SLC35E2B: variants seen among roughly 807,000 people sequenced by gnomAD.
SLC35E2B encodes solute carrier family 35, member E2B.
In SLC35E2B, 18 loss-of-function variants were observed where a neutral mutation model predicts 32.4. That is an observed-to-expected ratio of 0.56 (90% CI 0.38 to 0.82). The LOEUF (loss-of-function observed/expected upper bound fraction) is 0.82, where lower values mean the gene tolerates loss of function less well. SLC35E2B is among the 40% of genes least tolerant of loss of function. The pLI is 0.00. For missense variants in SLC35E2B, 263 were observed against 469.5 expected (o/e 0.56, Z 4.06); for synonymous variants, 132 against 209.1 (o/e 0.63, Z 3.18).
intron 5 of SLC35E2B, chr1:1,673,529 G>A (rs1202510385): frequency 1.3e-5 from 3 of 225,566 alleles, no homozygotes; most frequent in Non-Finnish European, 1.8e-5. Context: ...TTAGCTGGGT[G>A]TGGGGCCACA....
chr1:1,673,733 C>T (rs1361328978), intron 5 of SLC35E2B, among the ~76,000 whole-genome samples: 4 of 151,614 alleles, frequency 2.6e-5, no homozygotes, highest in East Asian at 3.9e-4. Context: ...GAGGCTGAGG[C>T]GTGCGGATCA....
At chr1:1,680,825 T>A (rs1014174509) in intron 2 of SLC35E2B, among the ~76,000 whole-genome samples, 1 of 150,446 alleles carries the variant, frequency 6.6e-6, no homozygotes, top group East Asian at 1.9e-4. Context: ...TTTTTTTAGA[T>A]GGAATCTCGA....
chr1:1,667,915 A>C (rs1643586869), intron 9 of SLC35E2B, among the ~76,000 whole-genome samples: 1 of 149,674 alleles, frequency 6.7e-6, no homozygotes, highest in Admixed American at 6.6e-5. Flanking sequence ...TGCAGTGGTG[A>C]GATCTCAACT....
chr1:1,670,079 A>G lies in SLC35E2B; in HGVS notation c.761+19T>C. 2 of 1,546,202 alleles carry G rather than the reference A, an allele frequency of 1.3e-6. No individual in the cohort carries two copies. Among genetic ancestry groups the G allele is most frequent in the South Asian group, 2.4e-5 (2 of 83,920 alleles). Reference sequence around the variant, plus strand: ...CTTCGTCTTATGACTTGGAGATTTCACTGACGAATAATACTTACGAGAACC... The same window carrying G: ...CTTCGTCTTATGACTTGGAGATTTCGCTGACGAATAATACTTACGAGAACC... On this transcript the variant is annotated intron_variant, in intron 7 of 9. Transcript: ENST00000617444.
At chr1:1,680,480 C>T (rs920822867) in intron 2 of SLC35E2B, among the ~76,000 whole-genome samples, 4 of 152,150 alleles carry the variant, frequency 2.6e-5, no homozygotes, top group Non-Finnish European at 1.5e-5. Context: ...CTACTAGGAG[C>T]ATCCTCGTCT....
chr1:1,665,923 C>G lies in SLC35E2B; in HGVS notation c.1077G>C (p.Leu359=). The stretch of plus-strand genomic sequence containing the variant: ...TGTAGAGCAGGACCCCAACGGTCAC[C>G]AGGGCTGTGCCAACGGCCGACAAGC... ...ITSLSAVGTA[L]VTVGVLLYNK... is the part of the protein sequence containing the mutation. Residue 359 remains leucine (L), a synonymous_variant, in exon 10 of 10, where the codon CTG becomes CTC. Coordinates refer to ENST00000617444, the MANE Select transcript of SLC35E2B (RefSeq NM_001290264.2). 6.4e-7 allele frequency: 1 copy of G among 1,551,434 alleles called. No individual in the cohort carries two copies. The highest frequency in any genetic ancestry group is 8.7e-7 in the Non-Finnish European group (1 of 1,146,982).
rs1456161529 is a variant in SLC35E2B at position 1,692,759 on chromosome 1, C to T, written c.-876G>A. 2 of 984,274 alleles carry T rather than the reference C, an allele frequency of 2.0e-6. No individual in the cohort carries two copies. The highest frequency in any genetic ancestry group is 1.8e-5 in the African/African-American group (1 of 56,850). 61.0% of individuals were successfully genotyped at this position (984,274 alleles called of 1,614,324 possible). A position where few individuals can be genotyped will look rare whatever the true frequency, so the allele number is the denominator to read the frequency against. On this transcript the variant is annotated 5_prime_UTR_variant, in exon 1 of 10. Transcript: ENST00000617444. ...GGAAACGCGCCGCGGCCCACAACGCCCCCGCGGCTGCCCGTTGGTTCCGCC... is the reference window on the plus strand; with the variant it reads ...GGAAACGCGCCGCGGCCCACAACGCTCCCGCGGCTGCCCGTTGGTTCCGCC...
Position 1,675,325 on chromosome 1 carries a change from T to C in SLC35E2B, c.586+138A>G, listed in dbSNP as rs1036269041. 8.0e-5 allele frequency: 63 copies of C among 787,994 alleles called. 3 individuals are homozygous for C. The African/African-American group carries it at 1.1e-3, about 13-fold the overall frequency. 48.8% of individuals were successfully genotyped at this position (787,994 alleles called of 1,614,324 possible). A position where few individuals can be genotyped will look rare whatever the true frequency, so the allele number is the denominator to read the frequency against. On this transcript the variant is annotated intron_variant, in intron 5 of 9. Transcript: ENST00000617444. ...CCCGCACATGTGACCGTGAGAGAAG[T>C]GAAGGCACTGCCAGTGTGGGCACCA...
chr1:1,688,398 A>G (rs557696363), intron 2 of SLC35E2B, among the ~76,000 whole-genome samples: 1 of 151,920 alleles, frequency 6.6e-6, no homozygotes, highest in Non-Finnish European at 1.5e-5. Flanking sequence ...CAAGGTCAGG[A>G]CATCGAGATC....
rs969152941 is a variant in SLC35E2B, at chr1:1,683,939, C to T, written c.-148+7037G>A. On this transcript the variant is annotated intron_variant, in intron 2 of 9. Transcript: ENST00000617444. The stretch of plus-strand genomic sequence containing the variant: ...CTCAGAGTCCTCCAGGTGCAGGTGC[C>T]TGTTCAGACCAGAGACCACAAAGTT... Among the ~76,000 whole-genome samples the T allele has an allele frequency of 3.3e-5, 5 of 152,176 alleles. No homozygotes were observed. The East Asian group carries it at 7.7e-4, about 23-fold the overall frequency.
chr1:1,682,539 G>A (rs778875042), intron 2 of SLC35E2B, among the ~76,000 whole-genome samples: 3 of 152,098 alleles, frequency 2.0e-5, no homozygotes, highest in African/African-American at 7.2e-5. Context: ...AGAAACGCAC[G>A]ACTCGGCTCC....
chr1:1,665,811 G>A lies in SLC35E2B; in HGVS notation c.1189C>T (p.Leu397Phe), dbSNP rs1643526698. ...GGATGCTGCCTGGGGTCCTGTGGAA[G>A]CAGCGGCTCCACTGTGTCGTCTGGG... is the stretch of plus-strand genomic sequence containing the variant. ...RAPDDTVEPL[L>F]PQDPRQHP Residue 397 changes from leucine (L) to phenylalanine (F), a missense_variant, in exon 10 of 10, where the codon CTT becomes TTT. Leu to Phe is a conservative substitution (Grantham distance 22). Coordinates refer to ENST00000617444, the MANE Select transcript of SLC35E2B (RefSeq NM_001290264.2). 2 of 1,550,910 alleles carry A rather than the reference G, an allele frequency of 1.3e-6. No homozygotes were observed. Among genetic ancestry groups the A allele is most frequent in the East Asian group, 4.9e-5 (2 of 40,922 alleles).
intron 2 of SLC35E2B, among the ~76,000 whole-genome samples, chr1:1,689,739 C>A (rs1284241744): frequency 1.3e-5 from 2 of 151,462 alleles, no homozygotes; most frequent in Non-Finnish European, 3.0e-5. Context: ...GTAATCCTAG[C>A]ACTTTGGGAG....
chr1:1,663,821 G>A lies in SLC35E2B; in HGVS notation c.*1961C>T. The A allele has an allele frequency of 1.1e-6, 1 of 912,630 alleles. No individual in the cohort carries two copies. The highest frequency in any genetic ancestry group is 4.9e-5 in the South Asian group (1 of 20,496). The allele number at this position is 912,630 out of a possible 1,614,324, so 56.5% of individuals were successfully genotyped here. On this transcript the variant is annotated 3_prime_UTR_variant, in exon 10 of 10. Transcript: ENST00000617444. Reference sequence around the variant, plus strand: ...AAAAAGAAATGGAAATCCGGGGAAAGTCACGTGACAAAACATCTTCGCAGC... The same window carrying A: ...AAAAAGAAATGGAAATCCGGGGAAAATCACGTGACAAAACATCTTCGCAGC...
intron 2 of SLC35E2B, among the ~76,000 whole-genome samples, chr1:1,679,491 AATC>A (rs773412467): frequency 6.6e-6 from 1 of 152,094 alleles, no homozygotes; most frequent in Non-Finnish European, 1.5e-5. Context: ...AAAAAACAGA[AATC>A]ACACTTCACT....
chr1:1,672,497 G>A (rs974291137), intron 5 of SLC35E2B: 1 of 152,248 alleles, frequency 6.6e-6, no homozygotes, highest in Non-Finnish European at 1.5e-5. Context: ...CCTGGTCTCG[G>A]CCTCTGCTGG....
chr1:1,684,798 A>AAC (rs1218765715), intron 2 of SLC35E2B, among the ~76,000 whole-genome samples: 2 of 146,976 alleles, frequency 1.4e-5, no homozygotes, highest in African/African-American at 5.0e-5. Context: ...TCAAAAAAAA[A>AAC]AAAAAAAAAA....
At chr1:1,677,476 TC>T (rs1643863596) in intron 2 of SLC35E2B, among the ~76,000 whole-genome samples, 1 of 148,858 alleles carries the variant, frequency 6.7e-6, no homozygotes, top group South Asian at 2.1e-4. Context: ...ACTTTCTTTT[TC>T]CTTTTTTTTT....
rs150461586 is a variant in SLC35E2B, at chr1:1,677,897, C to T, written c.-147-1051G>A. Among the ~76,000 whole-genome samples the T allele has an allele frequency of 6.5e-3, 983 of 152,026 alleles. 18 individuals are homozygous for T. Among genetic ancestry groups the T allele is most frequent in the African/African-American group, 0.022 (922 of 41,422 alleles). ...AGAACAGCCGTTTCCTCCTGAGGTC[C>T]AGTGGGAATCATCCCCCCAGCTGGG... On this transcript the variant is annotated intron_variant, in intron 2 of 9. Transcript: ENST00000617444.
Sources: allele counts gnomAD v4.1 joint callset (sites outside exome capture counted in the v4.1 genomes callset), GRCh38; gene constraint gnomAD v4.1.1; transcripts MANE v1.5; gene names NCBI Gene and HGNC (gene_info 2026-07-23, HGNC 2026-07-21).